Variants in YAP1 observed in about 807,000 individuals in gnomAD.
The protein encoded by YAP1 is Yes1 associated transcriptional regulator.
A neutral mutation model predicts 56.9 loss-of-function variants in YAP1; 5 were observed. That is an observed-to-expected ratio of 0.09 (90% CI 0.05 to 0.18). The LOEUF is 0.18. Ranked by LOEUF, YAP1 falls within the 10% of genes least tolerant of loss-of-function variation. The pLI is 1.00. For missense variants in YAP1, 539 were observed against 651.8 expected (o/e 0.83, Z 1.88); for synonymous variants, 265 against 248.1 (o/e 1.07, Z -0.64).
At chr11:102,112,675 AC>A in intron 1 of YAP1, 1 of 984,444 alleles carries the variant, frequency 1.0e-6, no homozygotes, top group Non-Finnish European at 1.2e-6. Flanking sequence ...GATGACAAAA[AC>A]CCGGGTTAAG....
intron 3 of YAP1, among the ~76,000 whole-genome samples, chr11:102,179,566 G>A (rs1047478201): frequency 4.6e-5 from 7 of 152,148 alleles, no homozygotes; most frequent in Non-Finnish European, 7.4e-5. Flanking sequence ...GCCCATGCCC[G>A]GAATGTCACA....
intron 2 of YAP1, among the ~76,000 whole-genome samples, chr11:102,115,340 A>G (rs1005545173): frequency 3.9e-5 from 6 of 152,226 alleles, no homozygotes; most frequent in Non-Finnish European, 7.3e-5. Flanking sequence ...TTTGATTCGG[A>G]TAGGTCTTGA....
At chr11:102,200,368 A>G (rs1232333702) in intron 4 of YAP1, among the ~76,000 whole-genome samples, 1 of 152,012 alleles carries the variant, frequency 6.6e-6, no homozygotes, top group Non-Finnish European at 1.5e-5. Context: ...AAATGGGTGA[A>G]TTTCTCTGTA....
intron 2 of YAP1, among the ~76,000 whole-genome samples, chr11:102,124,953 G>T (rs963697531): frequency 1.4e-4 from 22 of 152,140 alleles, no homozygotes; most frequent in Admixed American, 1.4e-3. Flanking sequence ...CCCATGGTTG[G>T]TCTCAAACTT....
At chr11:102,111,947 C>T (rs1035583105) in intron 1 of YAP1, among the ~76,000 whole-genome samples, 2 of 152,108 alleles carry the variant, frequency 1.3e-5, no homozygotes, top group African/African-American at 4.8e-5. Context: ...GTTCTTTCAC[C>T]CCTGCTCTTC....
At chr11:102,124,815 A>C (rs1215856616) in intron 2 of YAP1, among the ~76,000 whole-genome samples, 1 of 152,118 alleles carries the variant, frequency 6.6e-6, no homozygotes, top group Non-Finnish European at 1.5e-5. Context: ...AGCTTACTGC[A>C]ACCTCTGCCC....
Position 102,146,893 on chromosome 11 carries a change from G to A in YAP1, c.573-15563G>A, listed in dbSNP as rs181912824. Among the ~76,000 whole-genome samples the A allele has an allele frequency of 9.0e-4, 137 of 152,290 alleles. No homozygotes were observed. In the Middle Eastern group the frequency reaches 0.01, roughly 11 times the overall value. ...TGTTGCTAAATGGAATTAAAATACT[G>A]TGTCTGGCTTTTACTATATTCAGGG... On this transcript the variant is annotated intron_variant, in intron 2 of 8. Transcript: ENST00000282441.
intron 2 of YAP1, among the ~76,000 whole-genome samples, chr11:102,158,373 C>T (rs1231087723): frequency 6.6e-6 from 1 of 152,196 alleles, no homozygotes; most frequent in Admixed American, 6.5e-5. Flanking sequence ...ACCCTCCAGG[C>T]ATATGTCGTT....
At chr11:102,191,507 A>G (rs1948279364) in intron 4 of YAP1, among the ~76,000 whole-genome samples, 1 of 152,214 alleles carries the variant, frequency 6.6e-6, no homozygotes, top group Non-Finnish European at 1.5e-5. Context: ...TAGAATTTAA[A>G]AGAAATTTAG....
At chr11:102,220,776 A>C (rs1036321722) in intron 6 of YAP1, among the ~76,000 whole-genome samples, 3 of 152,214 alleles carry the variant, frequency 2.0e-5, no homozygotes, top group African/African-American at 7.2e-5. Flanking sequence ...AGAAGTTTCT[A>C]AGCCAGTTCT....
At chr11:102,153,206 C>T (rs770214536) in intron 2 of YAP1, among the ~76,000 whole-genome samples, 3 of 152,152 alleles carry the variant, frequency 2.0e-5, no homozygotes, top group Non-Finnish European at 4.4e-5. Context: ...TTTGTTCCAT[C>T]CCTTAAGCCA....
chr11:102,183,692 A>T (rs1947764710), intron 3 of YAP1, among the ~76,000 whole-genome samples: 1 of 129,744 alleles, frequency 7.7e-6, no homozygotes, highest in Non-Finnish European at 1.7e-5. Flanking sequence ...GGTGGGGAAT[A>T]ATGCTGTTTC....
chr11:102,209,862 G>A (rs1949308637), intron 6 of YAP1, among the ~76,000 whole-genome samples: 2 of 152,102 alleles, frequency 1.3e-5, no homozygotes, highest in Non-Finnish European at 2.9e-5. Context: ...AGCTAGGTAT[G>A]CCTAATTTTT....
rs145014556 is a variant in YAP1 at position 102,230,684 on chromosome 11, G to T, written c.*744G>T. 6.6e-6 allele frequency: 1 copy of T among 152,382 alleles called. No homozygotes were observed. The highest frequency in any genetic ancestry group is 1.9e-4 in the East Asian group (1 of 5,194). The allele number at this position is 152,382 out of a possible 1,614,324, so 9.4% of individuals were successfully genotyped here. On this transcript the variant is annotated 3_prime_UTR_variant, in exon 9 of 9. Transcript: ENST00000282441. ...TTTTTTGTTTTTTTTGTTTTTGGCAGGGTCGGTGGGGGGGTTGGTTGGTTG... is the reference window on the plus strand; with the variant it reads ...TTTTTTGTTTTTTTTGTTTTTGGCATGGTCGGTGGGGGGGTTGGTTGGTTG...
At chr11:102,197,968 AACAG>A (rs1666563944) in intron 4 of YAP1, among the ~76,000 whole-genome samples, 1 of 152,220 alleles carries the variant, frequency 6.6e-6, no homozygotes, top group Admixed American at 6.5e-5. Flanking sequence ...GAAGGTAAAG[AACAG>A]GATGCTTCTG....
At chr11:102,226,006 C>T (rs1591476223) in intron 7 of YAP1, among the ~76,000 whole-genome samples, 1 of 152,210 alleles carries the variant, frequency 6.6e-6, no homozygotes, top group East Asian at 1.9e-4. Context: ...CAGGAATGCC[C>T]ATGTGCTTCC....
At chr11:102,144,883 C>G (rs1439680011) in intron 2 of YAP1, among the ~76,000 whole-genome samples, 1 of 151,586 alleles carries the variant, frequency 6.6e-6, no homozygotes, top group Non-Finnish European at 1.5e-5. Context: ...CACACATACA[C>G]ACACTCATGC....
intron 2 of YAP1, among the ~76,000 whole-genome samples, chr11:102,143,514 A>G (rs1330766439): frequency 6.6e-6 from 1 of 152,230 alleles, no homozygotes; most frequent in African/African-American, 2.4e-5. Context: ...GTTCACCAAC[A>G]TTAGCCAGCA....
At chr11:102,132,340 C>T (rs1036767350) in intron 2 of YAP1, among the ~76,000 whole-genome samples, 2 of 152,218 alleles carry the variant, frequency 1.3e-5, no homozygotes, top group Non-Finnish European at 1.5e-5. Context: ...CCTTGAATGA[C>T]ATTGCATCTC....
Sources: allele counts gnomAD v4.1 joint callset (sites outside exome capture counted in the v4.1 genomes callset), GRCh38; gene constraint gnomAD v4.1.1; transcripts MANE v1.5; gene names NCBI Gene and HGNC (gene_info 2026-07-23, HGNC 2026-07-21).